Variants in ZFR observed in about 807,000 individuals in gnomAD.
ZFR encodes zinc finger RNA-binding protein.
In ZFR, 19 loss-of-function variants were observed where a neutral mutation model predicts 130.7. That is an observed-to-expected ratio of 0.15 (90% CI 0.10 to 0.21). The LOEUF (loss-of-function observed/expected upper bound fraction) is 0.21. Among genes scored for constraint, ZFR ranks in the 10% least tolerant of loss-of-function variants. The pLI is 1.00. For synonymous variants in ZFR, 466 were observed against 456.9 expected (o/e 1.02, Z -0.25); for missense variants, 872 against 1,321.5 (o/e 0.66, Z 5.27).
chr5:32,415,515 TGCGCGC>T (rs70961629), intron 4 of ZFR, among the ~76,000 whole-genome samples: 118 of 97,986 alleles, frequency 1.2e-3, no homozygotes, highest in African/African-American at 2.6e-3. Context: ...TGTGTGTGTG[TGCGCGC>T]GCGCGCGCGC....
In ZFR at chr5:32,379,143, A is replaced by G. The variant is rs746357719; in HGVS notation, c.2807T>C (p.Val936Ala). The change falls in exon 17 of 20, where the codon GTT (valine) becomes GCT (alanine). Residue 936 changes from valine to alanine, a missense_variant. By Grantham distance (64) the Val-to-Ala change is moderately conservative. This residue lies in a region of ZFR where 158 missense variants were observed against 264.0 expected (regional missense o/e 0.60). Transcript: ENST00000265069. ...IRILRDLCQRVPTWSDFPSWA... is the reference protein window; with the variant it reads ...IRILRDLCQRAPTWSDFPSWA... ...GCTTGGAAAATCAGACCAAGTTGGA[A>G]CTCGCTGACAGAGGTCTCGAAGAAT... The G allele has an allele frequency of 1.2e-6, 2 of 1,613,918 alleles. No homozygotes were observed. Among genetic ancestry groups the G allele is most frequent in the Admixed American group, 3.3e-5 (2 of 60,028 alleles).
chr5:32,419,677 A>G (rs979523928), intron 3 of ZFR, 144 bp downstream of exon 3: 6 of 1,413,812 alleles, frequency 4.2e-6, no homozygotes, highest in African/African-American at 1.4e-5. Context: ...CAAACTACCA[A>G]GGAATACTCA....
At chr5:32,444,510 G>T in intron 1 of ZFR, 112 bp downstream of exon 1, 1 of 1,333,608 alleles carries the variant, frequency 7.5e-7, no homozygotes, top group South Asian at 1.8e-5. Flanking sequence ...TCGCACGCCC[G>T]GGTGGCGGCC....
intron 17 of ZFR, among the ~76,000 whole-genome samples, chr5:32,374,830 A>T (rs1396222128): frequency 6.6e-6 from 1 of 152,194 alleles, no homozygotes; most frequent in Admixed American, 6.5e-5. Context: ...TTACAATAGG[A>T]GAAATTGAGA....
At chr5:32,379,780 C>T in intron 16 of ZFR, 1 of 255,808 alleles carries the variant, frequency 3.9e-6, no homozygotes, top group South Asian at 7.8e-5. Context: ...AATATATATA[C>T]ACAAACATGT....
intron 5 of ZFR, among the ~76,000 whole-genome samples, chr5:32,414,240 T>C (rs1753772942): frequency 6.6e-6 from 1 of 152,078 alleles, no homozygotes; most frequent in African/African-American, 2.4e-5. Flanking sequence ...CCTAGCACCC[T>C]AGAGTAAGAG....
chr5:32,404,007 T>A lies in ZFR; in HGVS notation c.1123A>T (p.Thr375Ser). The change falls in exon 7 of 20, where the codon ACT (threonine) becomes TCT (serine). Residue 375 changes from threonine (T) to serine (S), a missense_variant. Coordinates refer to ENST00000265069, the MANE Select transcript of ZFR (RefSeq NM_016107.5). ...SQNTSSSNSSTRGTQNQLRCE... is the reference protein window; with the variant it reads ...SQNTSSSNSSSRGTQNQLRCE... Reference sequence around the variant, plus strand: ...CGTAGCTGATTTTGAGTCCCACGAGTAGAACTGTTGCTGCTGCTGGTATTT... The same window carrying A: ...CGTAGCTGATTTTGAGTCCCACGAGAAGAACTGTTGCTGCTGCTGGTATTT... 6.2e-7 allele frequency: 1 copy of A among 1,614,106 alleles called. No homozygotes were observed. The highest frequency in any genetic ancestry group is 8.5e-7 in the Non-Finnish European group (1 of 1,179,996).
rs1443540804 is a variant in ZFR, at chr5:32,417,804, G to GA, written c.421-13dup. 6.2e-7 allele frequency: 1 copy of GA among 1,608,414 alleles called. No homozygotes were observed. The highest frequency in any genetic ancestry group is 2.2e-5 in the East Asian group (1 of 44,766). On this transcript the variant is annotated splice_polypyrimidine_tract_variant and intron_variant, in intron 3 of 19. Coordinates refer to ENST00000265069, the MANE Select transcript of ZFR (RefSeq NM_016107.5). ...TATGAGTATGAATCCTAAAGAAAAG[G>GA]AATGAAAGAAAATCTTGCTATGAGA...
chr5:32,438,968 C>T (rs74758284), intron 2 of ZFR, among the ~76,000 whole-genome samples: 2,583 of 152,290 alleles, frequency 0.017, 38 homozygotes, highest in Non-Finnish European at 0.026. Flanking sequence ...GGGATTCAAA[C>T]TCTATATAGT....
intron 17 of ZFR, among the ~76,000 whole-genome samples, chr5:32,375,881 T>A (rs1405888303): frequency 6.6e-6 from 1 of 151,644 alleles, no homozygotes; most frequent in East Asian, 1.9e-4. Flanking sequence ...TCTCACTATG[T>A]CGCCCAGGCT....
At chr5:32,390,517 C>T in intron 11 of ZFR, 80 bp from the exon 12 acceptor site, 1 of 1,356,068 alleles carries the variant, frequency 7.4e-7, no homozygotes, top group Non-Finnish European at 9.9e-7. Flanking sequence ...ACATAAAAAG[C>T]AATAAAAAAC....
At position 32,401,452 on chromosome 5, in the gene ZFR, G is replaced by A. The variant is rs1753446694; in HGVS notation, c.1517-1249C>T. On this transcript the variant is annotated intron_variant, in intron 8 of 19. Coordinates refer to ENST00000265069, the MANE Select transcript of ZFR (RefSeq NM_016107.5). The stretch of plus-strand genomic sequence containing the variant: ...GTGACACTTGAACTGGGATTTGAAA[G>A]AATATGAACTGGTCAGAAAGAAAAG... Among the ~76,000 whole-genome samples, 3 of 152,122 alleles carry A rather than the reference G, an allele frequency of 2.0e-5. No homozygotes were observed. In the South Asian group the frequency reaches 6.2e-4, roughly 31 times the overall value.
chr5:32,398,203 T>A (rs1753362333), intron 9 of ZFR, among the ~76,000 whole-genome samples: 1 of 152,200 alleles, frequency 6.6e-6, no homozygotes, highest in South Asian at 2.1e-4. Context: ...CATTTAGATT[T>A]AAATGTAGCT....
rs1290425808 is a variant in ZFR, at chr5:32,403,259, T to C, written c.1363A>G (p.Thr455Ala). 6.8e-6 allele frequency: 11 copies of C among 1,614,110 alleles called. No individual in the cohort carries two copies. The highest frequency in any genetic ancestry group is 1.3e-5 in the African/African-American group (1 of 74,936). Reference protein sequence around the residue: ...SPSSIAANNCTVNTSSVATSS... With the variant: ...SPSSIAANNCAVNTSSVATSS... ...GTTGCAACTGATGACGTATTCACAG[T>C]ACAATTGTTTGCTGCAATGCTTGAA... Residue 455 changes from threonine (T) to alanine (A), a missense_variant, in exon 8 of 20, where the codon ACT becomes GCT. This residue lies in a region of ZFR where 143 missense variants were observed against 137.9 expected (regional missense o/e 1.04). Coordinates refer to ENST00000265069, the MANE Select transcript of ZFR (RefSeq NM_016107.5).
chr5:32,401,457 T>C (rs1015828225), intron 8 of ZFR, among the ~76,000 whole-genome samples: 37 of 152,132 alleles, frequency 2.4e-4, no homozygotes, highest in African/African-American at 8.2e-4. Flanking sequence ...TGAAAGAATA[T>C]GAACTGGTCA....
At chr5:32,369,709 G>A (rs1429405062) in intron 17 of ZFR, among the ~76,000 whole-genome samples, 1 of 152,098 alleles carries the variant, frequency 6.6e-6, no homozygotes, top group Non-Finnish European at 1.5e-5. Context: ...GTACGTGGGA[G>A]GCTGAGTTAG....
intron 19 of ZFR, among the ~76,000 whole-genome samples, chr5:32,356,963 T>A (rs1752329858): frequency 6.6e-6 from 1 of 152,056 alleles, no homozygotes; most frequent in Non-Finnish European, 1.5e-5. Context: ...TTCTCACAAG[T>A]ATGATGGGCA....
intron 5 of ZFR, among the ~76,000 whole-genome samples, chr5:32,414,252 T>C (rs1016233995): frequency 2.0e-5 from 3 of 152,194 alleles, no homozygotes; most frequent in Admixed American, 2.0e-4. Context: ...GAGTAAGAGA[T>C]AAGAAATCTC....
At chr5:32,415,523 C>CGCGCGTGCGCGCGCGT (rs1554073622) in intron 4 of ZFR, among the ~76,000 whole-genome samples, 3 of 132,036 alleles carry the variant, frequency 2.3e-5, no homozygotes, top group Non-Finnish European at 3.3e-5. Flanking sequence ...TGTGCGCGCG[C>CGCGCGTGCGCGCGCGT]GCGCGCGCGC....
Sources: gnomAD v4.1 joint callset for allele counts (sites outside exome capture counted in the v4.1 genomes callset) on GRCh38, gnomAD v4.1.1 for gene constraint, gnomAD v4.1.1 regional missense constraint, MANE v1.5 for transcripts, NCBI Gene and HGNC (gene_info 2026-07-23, HGNC 2026-07-21) for gene names.